Variants in EPB41L3 observed in about 807,000 individuals in gnomAD.
The protein encoded by EPB41L3 is band 4.1-like protein 3.
In EPB41L3, 57 loss-of-function variants were observed where a neutral mutation model predicts 127.1. The observed-to-expected ratio is 0.45, with a 90% CI of 0.36 to 0.56. EPB41L3 has a LOEUF of 0.56. EPB41L3 is among the 20% of genes least tolerant of loss of function. The pLI, the probability that EPB41L3 is intolerant of heterozygous loss-of-function variation, is 0.00. For missense variants in EPB41L3, 1,273 were observed against 1,372.2 expected, an observed-to-expected ratio of 0.93 and a Z score of 1.14; for synonymous variants, 572 against 549.5, an observed-to-expected ratio of 1.04 and a Z score of -0.57.
intron 3 of EPB41L3, among the ~76,000 whole-genome samples, chr18:5,608,136 A>G (rs1005655164): frequency 6.6e-6 from 1 of 152,136 alleles, no homozygotes; most frequent in East Asian, 1.9e-4. Flanking sequence ...AGACTCCTGG[A>G]AAGTCCATAA....
chr18:5,458,563 T>G (rs2083458777), intron 3 of EPB41L3, among the ~76,000 whole-genome samples: 2 of 152,182 alleles, frequency 1.3e-5, no homozygotes, highest in Admixed American at 6.5e-5. Context: ...GGGCATGGTA[T>G]GGGGATGTGT....
intron 3 of EPB41L3, among the ~76,000 whole-genome samples, chr18:5,450,949 A>G (rs1341359474): frequency 6.6e-6 from 1 of 152,176 alleles, no homozygotes; most frequent in Non-Finnish European, 1.5e-5. Context: ...TTTTCCATAA[A>G]TGATACTTCA....
At chr18:5,628,525 C>T (rs922744362) in intron 1 of EPB41L3, among the ~76,000 whole-genome samples, 2 of 152,236 alleles carry the variant, frequency 1.3e-5, no homozygotes, top group African/African-American at 4.8e-5. Context: ...CCTCCCGCTA[C>T]TGCGCTACCC....
intron 3 of EPB41L3, among the ~76,000 whole-genome samples, chr18:5,476,268 T>A (rs894529139): frequency 2.0e-5 from 3 of 152,082 alleles, no homozygotes; most frequent in Admixed American, 1.3e-4. Flanking sequence ...CCAGCAAAAG[T>A]TTTTATATCC....
intron 3 of EPB41L3, chr18:5,571,029 G>T (rs2094273474): frequency 6.6e-6 from 1 of 152,078 alleles, no homozygotes; most frequent in African/African-American, 2.4e-5. Flanking sequence ...TACACATGGA[G>T]AATTATAATT....
chr18:5,593,206 C>G (rs1003890755), intron 3 of EPB41L3, among the ~76,000 whole-genome samples: 24 of 151,946 alleles, frequency 1.6e-4, no homozygotes, highest in African/African-American at 2.4e-4. Flanking sequence ...ACCCCCACCC[C>G]CCTGTCCCTG....
At chr18:5,536,981 T>C (rs1243982943) in intron 1 of EPB41L3, among the ~76,000 whole-genome samples, 1 of 152,248 alleles carries the variant, frequency 6.6e-6, no homozygotes, top group Non-Finnish European at 1.5e-5. Context: ...GCACTTGTGA[T>C]ATACCAGATA....
intron 9 of EPB41L3, among the ~76,000 whole-genome samples, chr18:5,427,531 T>C (rs1054696559): frequency 2.0e-5 from 3 of 150,274 alleles, no homozygotes; most frequent in Admixed American, 6.6e-5. Flanking sequence ...CAAACAAACA[T>C]ATATTGAGCT....
chr18:5,424,371 A>G lies in EPB41L3; in HGVS notation c.1066-12T>C. ...TCAAATTGTTCAAACTAAATAAAAA[A>G]AAATACATTGAAGAGTAAAGTTTAA... On this transcript the variant is annotated splice_polypyrimidine_tract_variant and intron_variant, in intron 9 of 22. Transcript: ENST00000341928. The G allele has an allele frequency of 6.3e-7, 1 of 1,576,154 alleles. No homozygotes were observed.
intron 3 of EPB41L3, among the ~76,000 whole-genome samples, chr18:5,565,902 C>A (rs1399767298): frequency 1.8e-4 from 27 of 151,920 alleles, no homozygotes; most frequent in East Asian, 1.9e-4. Flanking sequence ...AGGCCTTTGA[C>A]AAAATTCAAC....
At chr18:5,432,621 A>G (rs1426190870) in intron 8 of EPB41L3, among the ~76,000 whole-genome samples, 1 of 152,216 alleles carries the variant, frequency 6.6e-6, no homozygotes, top group East Asian at 1.9e-4. Flanking sequence ...GTTTAAAAAG[A>G]CTAGTAGTCC....
intron 13 of EPB41L3, 35 bp downstream of exon 13, chr18:5,415,783 C>T (rs191020768): frequency 3.5e-4 from 555 of 1,588,176 alleles, no homozygotes; most frequent in East Asian, 1.1e-3. Flanking sequence ...GCACGGAACA[C>T]GAAGGGGAAG....
intron 2 of EPB41L3, among the ~76,000 whole-genome samples, chr18:5,483,755 T>C (rs1479950957): frequency 6.6e-6 from 1 of 151,638 alleles, no homozygotes; most frequent in Non-Finnish European, 1.5e-5. Flanking sequence ...AAGGGGACAA[T>C]TCAGCAAGAA....
At chr18:5,423,595 C>A in intron 10 of EPB41L3, 42 bp from the exon 11 acceptor site, 4 of 1,530,240 alleles carry the variant, frequency 2.6e-6, no homozygotes, top group South Asian at 1.3e-5. Flanking sequence ...CTATTAAGTC[C>A]AATATTGAGA....
intron 1 of EPB41L3, among the ~76,000 whole-genome samples, chr18:5,502,661 G>A (rs147690675): frequency 2.4e-4 from 37 of 152,298 alleles, no homozygotes; most frequent in East Asian, 1.5e-3. Flanking sequence ...CGCTCGAAGC[G>A]AAACAGAGAC....
At chr18:5,571,171 T>G (rs2149253974) in intron 3 of EPB41L3, among the ~76,000 whole-genome samples, 3 of 152,330 alleles carry the variant, frequency 2.0e-5, no homozygotes, top group African/African-American at 7.2e-5. Flanking sequence ...TTGAAAGCAT[T>G]CCAAGAAGTA....
At chr18:5,449,294 T>C (rs2081960628) in intron 3 of EPB41L3, among the ~76,000 whole-genome samples, 3 of 152,070 alleles carry the variant, frequency 2.0e-5, no homozygotes, top group Non-Finnish European at 4.4e-5. Context: ...CCTCCAAACG[T>C]ATGTTATAAT....
At position 5,393,167 on chromosome 18, in the gene EPB41L3, G is replaced by C. The variant is rs977084018; in HGVS notation, c.*318C>G. The stretch of plus-strand genomic sequence containing the variant: ...TTGTTTATGTGTTACATGAGACCAC[G>C]GTTTATATTGTTGGTTATGAACGTG... On this transcript the variant is annotated 3_prime_UTR_variant, in exon 23 of 23. Coordinates refer to ENST00000341928, the MANE Select transcript of EPB41L3 (RefSeq NM_012307.5). The C allele has an allele frequency of 3.2e-6, 1 of 315,862 alleles. No homozygotes were observed. Among genetic ancestry groups the C allele is most frequent in the Non-Finnish European group, 5.7e-6 (1 of 174,142 alleles). The allele number at this position is 315,862 out of a possible 1,614,324, so 19.6% of individuals were successfully genotyped here. A position where few individuals can be genotyped will look rare whatever the true frequency, so the allele number is the denominator to read the frequency against.
chr18:5,433,998 A>T lies in EPB41L3; in HGVS notation c.729T>A (p.Asp243Glu), dbSNP rs763897171. 15 of 1,614,030 alleles carry T rather than the reference A, an allele frequency of 9.3e-6. No homozygotes were observed. Among genetic ancestry groups the T allele is most frequent in the Non-Finnish European group, 1.1e-5 (13 of 1,180,038 alleles). Reference sequence around the variant, plus strand: ...CACTAATGTAATCGCTCCCACATTCATCTGGGTCATAGTCTCCGAGCTCTG... The same window carrying T: ...CACTAATGTAATCGCTCCCACATTCTTCTGGGTCATAGTCTCCGAGCTCTG... ...VQSELGDYDP[D>E]ECGSDYISEF... is the part of the protein sequence containing the mutation. The change falls in exon 7 of 23, where the codon GAT (aspartate) becomes GAA (glutamate). Residue 243 changes from aspartate to glutamate, a missense_variant. Physicochemically the swap from Asp to Glu is conservative, Grantham distance 45. This residue lies in a region of EPB41L3 where 326 missense variants were observed against 440.2 expected (regional missense o/e 0.74). Transcript: ENST00000341928.
Sources: gnomAD v4.1 joint callset for allele counts (sites outside exome capture counted in the v4.1 genomes callset) on GRCh38, gnomAD v4.1.1 for gene constraint, gnomAD v4.1.1 regional missense constraint, MANE v1.5 for transcripts, NCBI Gene and HGNC (gene_info 2026-07-23, HGNC 2026-07-21) for gene names.